The following PIK3R1 variants were observed in gnomAD, a reference collection of about 807,000 sequenced individuals.
The protein encoded by PIK3R1 is phosphoinositide-3-kinase regulatory subunit 1.
Under a neutral mutation model 98.0 loss-of-function variants are expected in PIK3R1, and 29 were observed. The ratio of observed to expected loss-of-function variants is 0.30; its 90% confidence interval spans 0.22 to 0.40. The LOEUF is 0.40. Among genes scored for constraint, PIK3R1 ranks in the 10% least tolerant of loss-of-function variants. PIK3R1 has a pLI of 1.00. For missense variants in PIK3R1, 596 were observed against 872.7 expected, an observed-to-expected ratio of 0.68 and a Z score of 3.99; for synonymous variants, 282 against 311.8, an observed-to-expected ratio of 0.90 and a Z score of 1.01.
At chr5:68,232,947 ACTCT>A (rs1031840830) in intron 2 of PIK3R1, among the ~76,000 whole-genome samples, 1 of 152,192 alleles carries the variant, frequency 6.6e-6, no homozygotes, top group Non-Finnish European at 1.5e-5. Context: ...TAAATATGGA[ACTCT>A]CTATTTAACT....
intron 2 of PIK3R1, among the ~76,000 whole-genome samples, chr5:68,248,909 G>T (rs920203691): frequency 4.6e-5 from 7 of 152,138 alleles, no homozygotes; most frequent in Non-Finnish European, 1.0e-4. Flanking sequence ...TAAACCAAGA[G>T]ATATTTTCTG....
intron 2 of PIK3R1, among the ~76,000 whole-genome samples, chr5:68,235,269 G>GGC (rs1744619037): frequency 6.6e-6 from 1 of 151,960 alleles, no homozygotes. Flanking sequence ...TGGGTGTGAT[G>GGC]GTGCATGCCT....
intron 1 of PIK3R1, among the ~76,000 whole-genome samples, chr5:68,225,720 G>A (rs541493389): frequency 2.6e-5 from 4 of 152,236 alleles, no homozygotes; most frequent in South Asian, 4.1e-4. Context: ...AGCCCTTTCC[G>A]TGTTCCACAC....
chr5:68,294,999 C>T, intron 12 of PIK3R1, 149 bp from the exon 13 acceptor site: 2 of 442,022 alleles, frequency 4.5e-6, no homozygotes, highest in Admixed American at 8.3e-5. Flanking sequence ...TATGTTGAGC[C>T]ACTCCAAAAA....
chr5:68,217,348 AC>A (rs1239797397), intron 1 of PIK3R1: 1 of 152,196 alleles, frequency 6.6e-6, no homozygotes, highest in Non-Finnish European at 1.5e-5. Context: ...GAGTGGGCAG[AC>A]AGGTTCATTT....
intron 2 of PIK3R1, among the ~76,000 whole-genome samples, chr5:68,273,126 A>AG (rs1486958929): frequency 6.6e-6 from 1 of 151,972 alleles, no homozygotes; most frequent in African/African-American, 2.4e-5. Context: ...GTACCTAGAC[A>AG]GGGGGGTTTG....
intron 1 of PIK3R1, among the ~76,000 whole-genome samples, chr5:68,222,805 A>G (rs1744136008): frequency 6.6e-6 from 1 of 152,184 alleles, no homozygotes; most frequent in Admixed American, 6.5e-5. Flanking sequence ...ACGAACCTGC[A>G]TCATCCACAC....
chr5:68,283,001 C>T (rs1036615320), intron 7 of PIK3R1, among the ~76,000 whole-genome samples: 1 of 152,224 alleles, frequency 6.6e-6, no homozygotes, highest in African/African-American at 2.4e-5. Context: ...TCCAGAACAT[C>T]TTCGTATTCA....
chr5:68,258,383 C>T (rs1166361440), intron 2 of PIK3R1, among the ~76,000 whole-genome samples: 2 of 152,172 alleles, frequency 1.3e-5, no homozygotes, highest in Admixed American at 1.3e-4. Context: ...CATCTCTGAG[C>T]CATCTTATCA....
At chr5:68,264,860 G>A (rs1370605530) in intron 2 of PIK3R1, among the ~76,000 whole-genome samples, 1 of 152,192 alleles carries the variant, frequency 6.6e-6, no homozygotes, top group African/African-American at 2.4e-5. Context: ...CTGGCTGCTA[G>A]TCTCTCTTTT....
At chr5:68,270,521 T>A (rs1312440302) in intron 2 of PIK3R1, among the ~76,000 whole-genome samples, 1 of 152,162 alleles carries the variant, frequency 6.6e-6, no homozygotes, top group Non-Finnish European at 1.5e-5. Context: ...AGAGCCAACA[T>A]TAAAGTTTTT....
intron 2 of PIK3R1, among the ~76,000 whole-genome samples, chr5:68,229,904 T>G (rs1360757241): frequency 6.6e-6 from 1 of 152,256 alleles, no homozygotes; most frequent in East Asian, 1.9e-4. Context: ...AGCCCTGGCA[T>G]ATAGATTGAA....
At chr5:68,246,993 A>C (rs183249833) in intron 2 of PIK3R1, among the ~76,000 whole-genome samples, 66 of 152,332 alleles carry the variant, frequency 4.3e-4, no homozygotes, top group African/African-American at 1.3e-3. Flanking sequence ...TTAGCAATAA[A>C]TCTTGCCACC....
At chr5:68,250,956 A>C (rs1029518708) in intron 2 of PIK3R1, among the ~76,000 whole-genome samples, 4 of 152,180 alleles carry the variant, frequency 2.6e-5, no homozygotes, top group Non-Finnish European at 5.9e-5. Flanking sequence ...AGATAATTTT[A>C]AGAGAGTGTG....
At chr5:68,282,693 A>G (rs1746901167) in intron 7 of PIK3R1, among the ~76,000 whole-genome samples, 1 of 152,172 alleles carries the variant, frequency 6.6e-6, no homozygotes, top group Non-Finnish European at 1.5e-5. Flanking sequence ...AAGCTGTTTG[A>G]TATGTCAAAG....
At chr5:68,253,983 C>CTTTT (rs5868528) in intron 2 of PIK3R1, among the ~76,000 whole-genome samples, 5 of 129,588 alleles carry the variant, frequency 3.9e-5, no homozygotes, top group African/African-American at 1.5e-4. Flanking sequence ...CGTGGACCCC[C>CTTTT]TTTTTTTTTT....
rs1417977654 is a variant in PIK3R1 at position 68,298,111 on chromosome 5, CAAATG to C, written c.*513_*517del. 1 of 230,732 alleles carries C rather than the reference CAAATG, an allele frequency of 4.3e-6. No individual in the cohort carries two copies. Among genetic ancestry groups the C allele is most frequent in the Non-Finnish European group, 8.6e-6 (1 of 116,344 alleles). The allele number at this position is 230,732 out of a possible 1,614,324, so 14.3% of individuals were successfully genotyped here. A position where few individuals can be genotyped will look rare whatever the true frequency, so the allele number is the denominator to read the frequency against. ...CACTGTGGATTATTTCATTTTGTAA[CAAATG>C]AACGATATGTAGCAGAAAGGCACGT... On this transcript the variant is annotated 3_prime_UTR_variant, in exon 16 of 16. Transcript: ENST00000521381.
intron 7 of PIK3R1, among the ~76,000 whole-genome samples, chr5:68,289,759 C>CA (rs71305021): frequency 0.037 from 1,898 of 51,844 alleles, 248 homozygotes; most frequent in African/African-American, 0.057. Context: ...GGGGGAAAAG[C>CA]AAAAAAAAAA....
intron 7 of PIK3R1, among the ~76,000 whole-genome samples, chr5:68,284,555 C>G (rs919323099): frequency 1.2e-4 from 18 of 152,236 alleles, no homozygotes; most frequent in African/African-American, 3.6e-4. Flanking sequence ...GTGCCATCCA[C>G]TTTATCTGCA....
Sources: gnomAD v4.1 joint callset for allele counts (sites outside exome capture counted in the v4.1 genomes callset) on GRCh38, gnomAD v4.1.1 for gene constraint, MANE v1.5 for transcripts, NCBI Gene and HGNC (gene_info 2026-07-23, HGNC 2026-07-21) for gene names.